The following HEXA variants were observed in gnomAD, a reference collection of about 807,000 sequenced individuals.
HEXA encodes beta-hexosaminidase subunit alpha.
In HEXA, 54 loss-of-function variants were observed where a neutral mutation model predicts 73.3. The ratio of observed to expected loss-of-function variants is 0.74; its 90% CI spans 0.59 to 0.92. The LOEUF is 0.92. HEXA is among the 40% of genes least tolerant of loss of function. HEXA has a pLI of 0.00. For missense variants in HEXA, 649 were observed against 653.0 expected, an observed-to-expected ratio of 0.99 and a Z score of 0.07; for synonymous variants, 230 against 246.9, an observed-to-expected ratio of 0.93 and a Z score of 0.64.
Position 72,356,535 on chromosome 15 carries a change from T to C in HEXA, c.336A>G (p.Ser112=). ...CAGGATGGTACTTACAATTCTCCAC[T>C]GACTCCAAAGTAGGAAGCTGGTTAC... ...PGCNQLPTLE[S]VENYTLTIND... Residue 112 remains serine (S), a synonymous_variant, in exon 2 of 14, where the codon TCA becomes TCG. Transcript: ENST00000268097. The C allele has an allele frequency of 6.2e-7, 1 of 1,614,080 alleles. No homozygotes were observed. The highest frequency in any genetic ancestry group is 1.1e-5 in the South Asian group (1 of 91,074).
chr15:72,348,239 A>T, intron 8 of HEXA, 105 bp from the exon 9 acceptor site: 1 of 793,438 alleles, frequency 1.3e-6, no homozygotes, highest in East Asian at 2.5e-5. Flanking sequence ...TCACCTGAAA[A>T]ATCAAATAAG....
At chr15:72,368,092 A>G (rs1192224831) in intron 1 of HEXA, among the ~76,000 whole-genome samples, 1 of 152,250 alleles carries the variant, frequency 6.6e-6, no homozygotes, top group Non-Finnish European at 1.5e-5. Context: ...AAGTTACTTA[A>G]TAAATACTAC....
chr15:72,350,276 G>A, intron 7 of HEXA: 1 of 520,674 alleles, frequency 1.9e-6, no homozygotes, highest in Non-Finnish European at 3.5e-6. Context: ...ACAACTACCT[G>A]CAACGGCATC....
intron 1 of HEXA, chr15:72,370,541 A>C (rs540445170): frequency 5.0e-6 from 2 of 398,172 alleles, no homozygotes; most frequent in African/African-American, 2.1e-5. Context: ...AATGCAAAAA[A>C]TAAAAAAATT....
chr15:72,369,853 G>A, intron 1 of HEXA: 1 of 152,166 alleles, frequency 6.6e-6, no homozygotes, highest in South Asian at 2.1e-4. Flanking sequence ...ACAACAAAAC[G>A]ACAAGGTATC....
intron 4 of HEXA, 51 bp from the exon 5 acceptor site, chr15:72,353,229 G>T: frequency 9.5e-7 from 1 of 1,056,960 alleles, no homozygotes; most frequent in East Asian, 2.5e-5. Context: ...GCTTACTATG[G>T]GGGCACAGGG....
At position 72,375,985 on chromosome 15, in the gene HEXA, TC is replaced by T; in HGVS notation, c.-14del. 6.2e-7 allele frequency: 1 copy of T among 1,612,100 alleles called. No homozygotes were observed. Among genetic ancestry groups the T allele is most frequent in the South Asian group, 1.1e-5 (1 of 91,054 alleles). ...TGGAGCTTGTCATGGCCCGCTGGTC[TC>T]CCCTCTCGGAGGGGGCTGGCCACGT... is the stretch of plus-strand genomic sequence containing the variant. On this transcript the variant is annotated 5_prime_UTR_variant, in exon 1 of 14. Coordinates refer to ENST00000268097, the MANE Select transcript of HEXA (RefSeq NM_000520.6).
rs1485152194 is a variant in HEXA at position 72,365,342 on chromosome 15, A to AGGTGGAAATG, written c.254-8726_254-8725insCATTTCCACC. ...TCTAGATCTCCTGACCTCATGATCC[A>AGGTGGAAATG]CCCGCCTTGGCCTCCCAAAGTGCTG... On this transcript the variant is annotated intron_variant, in intron 1 of 13. Coordinates refer to ENST00000268097, the MANE Select transcript of HEXA (RefSeq NM_000520.6). Among the ~76,000 whole-genome samples, 8 of 151,964 alleles carry AGGTGGAAATG rather than the reference A, an allele frequency of 5.3e-5. No individual in the cohort carries two copies. In the East Asian group the frequency reaches 1.6e-3, roughly 29 times the overall value.
At chr15:72,352,447 CAAAAAA>C (rs540544720) in intron 5 of HEXA, among the ~76,000 whole-genome samples, 1 of 67,144 alleles carries the variant, frequency 1.5e-5, no homozygotes, top group African/African-American at 4.6e-5. Flanking sequence ...ACAAAAAATA[CAAAAAA>C]AAAAAAAAAA....
At chr15:72,346,832 T>C (rs2140320971) in intron 10 of HEXA, 122 bp from the exon 11 acceptor site, 3 of 932,572 alleles carry the variant, frequency 3.2e-6, no homozygotes, top group Non-Finnish European at 5.3e-6. Flanking sequence ...CAGCAAAGTA[T>C]GTCTCTGTGA....
At chr15:72,353,213 A>G (rs1189269827) in intron 4 of HEXA, 35 bp from the exon 5 acceptor site, 1 of 1,309,412 alleles carries the variant, frequency 7.6e-7, no homozygotes, top group Non-Finnish European at 1.1e-6. Flanking sequence ...GTCAGTTTCA[A>G]AGGAAGCTTA....
chr15:72,355,606 T>A lies in HEXA; in HGVS notation c.365A>T (p.Asp122Val). ...SVENYTLTIN[D>V]DQCLLLSETV... ...CTCAGAGAGGAGTAAACACTGGTCA[T>A]CATTTATGGTCAGGGTATCTGAAAT... The change falls in exon 3 of 14, where the codon GAT becomes GTT. Residue 122 changes from aspartate (D) to valine (V), a missense_variant. Physicochemically the swap from Asp to Val is radical, Grantham distance 152 (BLOSUM62 -3). Transcript: ENST00000268097. 1 of 1,611,142 alleles carries A rather than the reference T, an allele frequency of 6.2e-7. No individual in the cohort carries two copies. Among genetic ancestry groups the A allele is most frequent in the East Asian group, 2.2e-5 (1 of 44,872 alleles).
In HEXA at chr15:72,353,146, A is replaced by C; in HGVS notation, c.492T>G (p.Phe164Leu). The C allele has an allele frequency of 6.2e-7, 1 of 1,612,640 alleles. No homozygotes were observed. The highest frequency in any genetic ancestry group is 1.7e-5 in the Admixed American group (1 of 60,000). The change falls in exon 5 of 14, where the codon TTT becomes TTG. Residue 164 changes from phenylalanine to leucine, a missense_variant. By Grantham distance (22) the Phe-to-Leu change is conservative. Coordinates refer to ENST00000268097, the MANE Select transcript of HEXA (RefSeq NM_000520.6). ...GCAAGCCCCGGTGAGGAAAGCGGGG[A>C]AAGTCCTCAATCTCAGTCTTGTTGA... ...FFINKTEIED[F>L]PRFPHRGLLL...
At chr15:72,345,758 A>G (rs563393219) in intron 12 of HEXA, 21 of 665,394 alleles carry the variant, frequency 3.2e-5, no homozygotes, top group Non-Finnish European at 5.2e-5. Flanking sequence ...TGTGGGTAGC[A>G]ATCCCACTCT....
At chr15:72,365,475 T>C (rs1281314013) in intron 1 of HEXA, among the ~76,000 whole-genome samples, 4 of 152,226 alleles carry the variant, frequency 2.6e-5, no homozygotes, top group Non-Finnish European at 5.9e-5. Context: ...CCCTTATTTT[T>C]TAACCTTATG....
chr15:72,372,954 G>C (rs960022375), intron 1 of HEXA, among the ~76,000 whole-genome samples: 1 of 152,118 alleles, frequency 6.6e-6, no homozygotes, highest in Non-Finnish European at 1.5e-5. Context: ...GCAACATGGC[G>C]AAACCCCATC....
chr15:72,350,381 C>G (rs900108291), intron 7 of HEXA, 137 bp downstream of exon 7: 2 of 915,584 alleles, frequency 2.2e-6, no homozygotes, highest in African/African-American at 3.3e-5. Context: ...TATCTAAATT[C>G]CCAGGTGGAA....
At chr15:72,363,725 T>A (rs2088881412) in intron 1 of HEXA, among the ~76,000 whole-genome samples, 1 of 152,160 alleles carries the variant, frequency 6.6e-6, no homozygotes, top group African/African-American at 2.4e-5. Flanking sequence ...CTTCCTCTCA[T>A]TCCCATCCCA....
chr15:72,364,848 GT>G (rs1368496255), intron 1 of HEXA, among the ~76,000 whole-genome samples: 5 of 146,334 alleles, frequency 3.4e-5, no homozygotes, highest in Admixed American at 6.8e-5. Context: ...TAGAGACAGG[GT>G]CTTGCTCTGT....
Sources: gnomAD v4.1 joint callset for allele counts (sites outside exome capture counted in the v4.1 genomes callset) on GRCh38, gnomAD v4.1.1 for gene constraint, MANE v1.5 for transcripts, NCBI Gene and HGNC (gene_info 2026-07-23, HGNC 2026-07-21) for gene names.